PPP3CA: variants seen among roughly 807,000 people sequenced by gnomAD.
PPP3CA encodes CAM-PRP catalytic subunit.
PPP3CA carries 14 observed loss-of-function variants against 66.5 expected under a neutral mutation model. That is an observed-to-expected ratio of 0.21 (90% CI 0.14 to 0.33). The LOEUF is 0.33. Among genes scored for constraint, PPP3CA ranks in the 10% least tolerant of loss-of-function variants. PPP3CA has a pLI of 1.00. For missense variants in PPP3CA, 317 were observed against 639.5 expected (o/e 0.50, Z 5.44); for synonymous variants, 232 against 226.2 (o/e 1.03, Z -0.23).
intron 2 of PPP3CA, among the ~76,000 whole-genome samples, chr4:101,152,131 T>A (rs952804600): frequency 6.6e-6 from 1 of 152,202 alleles, no homozygotes; most frequent in African/African-American, 2.4e-5. Flanking sequence ...TATTCTAAAT[T>A]TCTTTCTAAA....
At chr4:101,145,117 G>A (rs947213320) in intron 2 of PPP3CA, among the ~76,000 whole-genome samples, 1 of 151,834 alleles carries the variant, frequency 6.6e-6, no homozygotes, top group Non-Finnish European at 1.5e-5. Flanking sequence ...TACACATTTT[G>A]GAAAACACTG....
chr4:101,285,494 C>T (rs887550042), intron 1 of PPP3CA, among the ~76,000 whole-genome samples: 30 of 152,080 alleles, frequency 2.0e-4, no homozygotes, highest in Admixed American at 2.6e-4. Context: ...TCTTATATCA[C>T]ATTGCACAAG....
chr4:101,114,759 A>G (rs1437468815), intron 2 of PPP3CA, among the ~76,000 whole-genome samples: 1 of 152,100 alleles, frequency 6.6e-6, no homozygotes. Flanking sequence ...AATAATTTTC[A>G]CAAAGGAGTG....
chr4:101,093,432 A>T (rs1284259392), intron 6 of PPP3CA, among the ~76,000 whole-genome samples: 1 of 150,840 alleles, frequency 6.6e-6, no homozygotes, highest in African/African-American at 2.4e-5. Context: ...ATACAATGCT[A>T]TTGTACACTT....
intron 1 of PPP3CA, among the ~76,000 whole-genome samples, chr4:101,252,964 G>A (rs1265982253): frequency 6.6e-6 from 1 of 152,176 alleles, no homozygotes; most frequent in Non-Finnish European, 1.5e-5. Flanking sequence ...TAAGGCATGT[G>A]CTTCCCATGC....
chr4:101,168,083 A>G (rs1322068738), intron 2 of PPP3CA, among the ~76,000 whole-genome samples: 1 of 152,136 alleles, frequency 6.6e-6, no homozygotes, highest in Non-Finnish European at 1.5e-5. Flanking sequence ...GCCAGAGAAC[A>G]CTTTAGATAG....
chr4:101,251,303 A>C (rs1239076554), intron 1 of PPP3CA, among the ~76,000 whole-genome samples: 1 of 152,120 alleles, frequency 6.6e-6, no homozygotes, highest in Non-Finnish European at 1.5e-5. Context: ...CAAAGAAGTA[A>C]ATATCTTTCA....
intron 11 of PPP3CA, among the ~76,000 whole-genome samples, chr4:101,039,646 G>C (rs1450344877): frequency 2.1e-5 from 3 of 144,098 alleles, no homozygotes; most frequent in African/African-American, 7.6e-5. Context: ...TTACTCTTTA[G>C]TGACTGTACC....
At chr4:101,259,634 G>T (rs761829427) in intron 1 of PPP3CA, among the ~76,000 whole-genome samples, 6 of 152,148 alleles carry the variant, frequency 3.9e-5, no homozygotes, top group Non-Finnish European at 7.4e-5. Context: ...TTATAAGCCA[G>T]ATTTATTTAT....
At chr4:101,030,326 G>A (rs1726885237) in intron 12 of PPP3CA, among the ~76,000 whole-genome samples, 1 of 152,056 alleles carries the variant, frequency 6.6e-6, no homozygotes, top group Admixed American at 6.5e-5. Context: ...TACTTACGGT[G>A]GATTCGAGAT....
chr4:101,168,172 A>T (rs1196607286), intron 2 of PPP3CA, among the ~76,000 whole-genome samples: 2 of 152,200 alleles, frequency 1.3e-5, no homozygotes, highest in Non-Finnish European at 2.9e-5. Context: ...AATTCCAGGC[A>T]TAGTTTAAAG....
intron 1 of PPP3CA, among the ~76,000 whole-genome samples, chr4:101,288,219 T>C (rs1474394305): frequency 7.2e-5 from 11 of 152,168 alleles, no homozygotes; most frequent in Non-Finnish European, 1.5e-5. Flanking sequence ...GTTAAGTCAA[T>C]AAATCACTAA....
chr4:101,257,648 C>T (rs1049763718), intron 1 of PPP3CA, among the ~76,000 whole-genome samples: 5 of 151,854 alleles, frequency 3.3e-5, no homozygotes, highest in South Asian at 4.2e-4. Context: ...GATGAGGTAC[C>T]TCTTCATTCA....
At chr4:101,153,134 C>G (rs913319953) in intron 2 of PPP3CA, among the ~76,000 whole-genome samples, 3 of 152,030 alleles carry the variant, frequency 2.0e-5, no homozygotes, top group East Asian at 1.9e-4. Flanking sequence ...AGTGGTAGGA[C>G]GGTAAAGTGT....
intron 10 of PPP3CA, 115 bp downstream of exon 10, chr4:101,060,969 CAAT>C (rs1201088841): frequency 4.6e-5 from 39 of 842,928 alleles, no homozygotes. Flanking sequence ...CTTTTATTCT[CAAT>C]AATGTTACGT....
At chr4:101,091,181 A>C (rs1729921210) in intron 6 of PPP3CA, among the ~76,000 whole-genome samples, 2 of 150,310 alleles carry the variant, frequency 1.3e-5, no homozygotes, top group Non-Finnish European at 2.9e-5. Context: ...TATGTTACTG[A>C]AGTATAACTC....
At chr4:101,265,377 G>C (rs1727138351) in intron 1 of PPP3CA, among the ~76,000 whole-genome samples, 1 of 152,114 alleles carries the variant, frequency 6.6e-6, no homozygotes, top group Non-Finnish European at 1.5e-5. Flanking sequence ...CCAAACTGCT[G>C]GGATTACAGG....
chr4:101,330,439 C>G lies in PPP3CA; in HGVS notation c.58+16300G>C, dbSNP rs60460814. 7.1e-4 allele frequency: 378 copies of G among 533,586 alleles called. 1 individual carries two copies. The highest frequency in any genetic ancestry group is 6.8e-3 in the African/African-American group (353 of 52,014). 33.1% of individuals were successfully genotyped at this position (533,586 alleles called of 1,614,324 possible). The stretch of plus-strand genomic sequence containing the variant: ...TACTACATACATTTAGCTGATAAAG[C>G]AACAGCCACCCCAAGACACTGACAG... On this transcript the variant is annotated intron_variant, in intron 1 of 13. Coordinates refer to ENST00000394854, the MANE Select transcript of PPP3CA (RefSeq NM_000944.5).
At position 101,201,553 on chromosome 4, in the gene PPP3CA, A is replaced by G. The variant is rs186150963; in HGVS notation, c.59-5437T>C. Among the ~76,000 whole-genome samples the G allele has an allele frequency of 2.9e-3, 444 of 152,298 alleles. 6 individuals carry two copies. Among genetic ancestry groups the G allele is most frequent in the African/African-American group, 9.7e-3 (404 of 41,544 alleles). ...CTGGGCACTTTAATTTTCCCTCTTAACAAGCTCCACACCAGTCAATCAACC... is the reference window on the plus strand; with the variant it reads ...CTGGGCACTTTAATTTTCCCTCTTAGCAAGCTCCACACCAGTCAATCAACC... On this transcript the variant is annotated intron_variant, in intron 1 of 13. Transcript: ENST00000394854.
Sources: gnomAD v4.1 joint callset for allele counts (sites outside exome capture counted in the v4.1 genomes callset) on GRCh38, gnomAD v4.1.1 for gene constraint, MANE v1.5 for transcripts, NCBI Gene and HGNC (gene_info 2026-07-23, HGNC 2026-07-21) for gene names.